PCNX1: variants seen among roughly 807,000 people sequenced by gnomAD.
PCNX1 encodes pecanex-like protein 1.
Under a neutral mutation model 242.2 loss-of-function variants are expected in PCNX1, and 78 were observed. That is an observed-to-expected ratio of 0.32 (90% CI 0.27 to 0.39). The LOEUF is 0.39. Among genes scored for constraint, PCNX1 ranks in the 10% least tolerant of loss-of-function variants. The pLI is 1.00. For missense variants in PCNX1, 2,581 were observed against 2,856.5 expected, an observed-to-expected ratio of 0.90 and a Z score of 2.20; for synonymous variants, 1,024 against 1,032.9, an observed-to-expected ratio of 0.99 and a Z score of 0.17.
At chr14:71,101,135 G>C (rs1413779090) in intron 30 of PCNX1, among the ~76,000 whole-genome samples, 1 of 152,076 alleles carries the variant, frequency 6.6e-6, no homozygotes, top group African/African-American at 2.4e-5. Flanking sequence ...CACAAATTCT[G>C]GTCAGTTGAC....
rs546483598 is a variant in PCNX1, at chr14:71,019,693, C to T, written c.3150+531C>T. On this transcript the variant is annotated intron_variant, in intron 12 of 35. Coordinates refer to ENST00000304743, the MANE Select transcript of PCNX1 (RefSeq NM_014982.3). ...GGGATTACAGGCATGAGCCACTGCG[C>T]CTGGCCTAAAAGAAAACTGTATTTG... Among the ~76,000 whole-genome samples, 118 of 152,190 alleles carry T rather than the reference C, an allele frequency of 7.8e-4. 1 individual carries two copies. Among genetic ancestry groups the T allele is most frequent in the African/African-American group, 2.7e-3 (113 of 41,530 alleles).
chr14:70,976,750 GA>G (rs1468360779), intron 5 of PCNX1, among the ~76,000 whole-genome samples, 191 bp from the exon 6 acceptor site: 9 of 152,126 alleles, frequency 5.9e-5, no homozygotes, highest in African/African-American at 2.2e-4. Flanking sequence ...CAAAGATTTG[GA>G]AGTTCAGTTC....
intron 1 of PCNX1, among the ~76,000 whole-genome samples, chr14:70,932,010 G>A (rs944584374): frequency 4.6e-5 from 7 of 152,094 alleles, no homozygotes; most frequent in African/African-American, 1.2e-4. Context: ...GTTATCTGTC[G>A]CAGCTACTCG....
chr14:70,909,688 C>T (rs1285963916), intron 1 of PCNX1, among the ~76,000 whole-genome samples: 2 of 152,094 alleles, frequency 1.3e-5, no homozygotes, highest in African/African-American at 2.4e-5. Flanking sequence ...CAAATGGAAA[C>T]CAGGACATTG....
intron 28 of PCNX1, among the ~76,000 whole-genome samples, chr14:71,083,066 G>A (rs762811266): frequency 4.6e-5 from 7 of 152,098 alleles, no homozygotes; most frequent in Non-Finnish European, 8.8e-5. Flanking sequence ...AAATCTCTCA[G>A]CATTTGCTTG....
chr14:71,076,305 C>T lies in PCNX1; in HGVS notation c.5223C>T (p.Thr1741=), dbSNP rs1441968971. 1.2e-6 allele frequency: 2 copies of T among 1,613,896 alleles called. No individual in the cohort carries two copies. Among genetic ancestry groups the T allele is most frequent in the African/African-American group, 1.3e-5 (1 of 75,014 alleles). Residue 1741 remains threonine (T), a synonymous_variant, in exon 28 of 36, where the codon ACC becomes ACT. Transcript: ENST00000304743. ...GCAATTATGTCGATGTGGACCCGAC[C>T]TTTAATCCAAACATTGATGAAGACT... is the stretch of plus-strand genomic sequence containing the variant. The part of the protein sequence containing the change: ...ADRNYVDVDP[T]FNPNIDEDYD...
intron 2 of PCNX1, 24 bp downstream of exon 2, chr14:70,947,147 T>C: frequency 1.4e-6 from 2 of 1,446,648 alleles, no homozygotes; most frequent in African/African-American, 2.8e-5. Context: ...TGTCATTGAT[T>C]GATCGTAATG....
chr14:71,109,577 G>A lies in PCNX1; in HGVS notation c.6870G>A (p.Glu2290=). The change falls in exon 35 of 36, where the codon GAG becomes GAA. Residue 2290 remains glutamate, a synonymous_variant. Transcript: ENST00000304743. ...GCTGGAAAGACTGGAGTCCGCAGGA[G>A]GGCATGGAAGGCCATGTAAGTTCTT... is the stretch of plus-strand genomic sequence containing the variant. The part of the protein sequence containing the change: ...RNSWKDWSPQ[E]GMEGHVIHRW... 1 of 1,614,160 alleles carries A rather than the reference G, an allele frequency of 6.2e-7. No individual in the cohort carries two copies. Among genetic ancestry groups the A allele is most frequent in the Non-Finnish European group, 8.5e-7 (1 of 1,180,000 alleles).
chr14:71,015,899 A>C (rs1314760305), intron 11 of PCNX1, among the ~76,000 whole-genome samples: 1 of 152,088 alleles, frequency 6.6e-6, no homozygotes, highest in African/African-American at 2.4e-5. Flanking sequence ...GGTACTTTAA[A>C]TATAAAAACA....
At chr14:70,925,849 A>G (rs920310779) in intron 1 of PCNX1, among the ~76,000 whole-genome samples, 5 of 152,134 alleles carry the variant, frequency 3.3e-5, no homozygotes, top group Non-Finnish European at 7.3e-5. Flanking sequence ...GCTCATGTTT[A>G]CATAGATTGC....
At chr14:70,919,499 G>T (rs560468752) in intron 1 of PCNX1, among the ~76,000 whole-genome samples, 18 of 152,130 alleles carry the variant, frequency 1.2e-4, no homozygotes, top group African/African-American at 4.1e-4. Flanking sequence ...TTTTTGGCAG[G>T]TGAGTTGAGA....
chr14:70,965,662 CAAAAAAAAAA>C (rs11453401), intron 3 of PCNX1, among the ~76,000 whole-genome samples: 10 of 91,102 alleles, frequency 1.1e-4, no homozygotes, highest in Admixed American at 4.0e-4. Flanking sequence ...GACTCCGTCT[CAAAAAAAAAA>C]AAAAAAAAAA....
At chr14:70,923,187 T>C (rs2056446177) in intron 1 of PCNX1, among the ~76,000 whole-genome samples, 1 of 152,134 alleles carries the variant, frequency 6.6e-6, no homozygotes, top group Non-Finnish European at 1.5e-5. Flanking sequence ...GAGAGTTCTA[T>C]ATATATGTAA....
At chr14:71,032,114 G>T in intron 16 of PCNX1, 1 of 589,072 alleles carries the variant, frequency 1.7e-6, no homozygotes, top group Non-Finnish European at 3.1e-6. Flanking sequence ...GGTCGCTCAA[G>T]AGAGGGTCTC....
At chr14:70,909,503 A>C (rs1449593090) in intron 1 of PCNX1, among the ~76,000 whole-genome samples, 1 of 152,208 alleles carries the variant, frequency 6.6e-6, no homozygotes, top group African/African-American at 2.4e-5. Context: ...TTTCAAAGCA[A>C]ATTTCTTCTA....
chr14:70,985,642 C>T (rs534665544), intron 6 of PCNX1, among the ~76,000 whole-genome samples: 1 of 152,110 alleles, frequency 6.6e-6, no homozygotes, highest in East Asian at 1.9e-4. Flanking sequence ...GGATATATAC[C>T]CTTGGAAGTA....
At chr14:70,980,922 C>G (rs372675059) in intron 6 of PCNX1, among the ~76,000 whole-genome samples, 1 of 151,986 alleles carries the variant, frequency 6.6e-6, no homozygotes, top group Non-Finnish European at 1.5e-5. Context: ...AGTTCTCCAA[C>G]GATTTCTTTT....
chr14:71,031,104 C>T (rs1219699110), intron 16 of PCNX1, among the ~76,000 whole-genome samples: 2 of 152,160 alleles, frequency 1.3e-5, no homozygotes, highest in Non-Finnish European at 2.9e-5. Flanking sequence ...CTAAGCACAC[C>T]CAAAATCACT....
At chr14:71,075,794 G>T (rs1204382709) in intron 27 of PCNX1, among the ~76,000 whole-genome samples, 1 of 152,040 alleles carries the variant, frequency 6.6e-6, no homozygotes, top group East Asian at 1.9e-4. Context: ...GCTGAGGCAT[G>T]AGAGTTGCTT....
Sources: gnomAD v4.1 joint callset for allele counts (sites outside exome capture counted in the v4.1 genomes callset) on GRCh38, gnomAD v4.1.1 for gene constraint, MANE v1.5 for transcripts, NCBI Gene and HGNC (gene_info 2026-07-23, HGNC 2026-07-21) for gene names.